Variants in ZNF608 observed in about 807,000 individuals in gnomAD.
The protein encoded by ZNF608 is renal carcinoma antigen NY-REN-36.
A neutral mutation model predicts 109.0 loss-of-function variants in ZNF608; 12 were observed. That is an observed-to-expected ratio of 0.11 (90% CI 0.07 to 0.18). The LOEUF is 0.18. Ranked by LOEUF, ZNF608 falls within the 10% of genes least tolerant of loss-of-function variation. ZNF608 has a pLI of 1.00. For synonymous variants in ZNF608, 732 were observed against 717.4 expected (o/e 1.02, Z -0.33); for missense variants, 1,707 against 1,879.3 (o/e 0.91, Z 1.70).
chr5:124,701,006 G>A lies in ZNF608; in HGVS notation c.1162+8C>T. On this transcript the variant is annotated splice_region_variant and intron_variant, in intron 3 of 9. Transcript: ENST00000513986. ...ATCGGGAAATATATAAAAATAAATTGTATTTACCTTCTTCTGTTTCATGCC... is the reference window on the plus strand; with the variant it reads ...ATCGGGAAATATATAAAAATAAATTATATTTACCTTCTTCTGTTTCATGCC... 1 of 1,613,612 alleles carries A rather than the reference G, an allele frequency of 6.2e-7. No homozygotes were observed. Among genetic ancestry groups the A allele is most frequent in the South Asian group, 1.1e-5 (1 of 91,066 alleles).
At chr5:124,733,128 T>C (rs79655987) in intron 2 of ZNF608, among the ~76,000 whole-genome samples, 2,678 of 151,472 alleles carry the variant, frequency 0.018, 86 homozygotes, top group African/African-American at 0.061. Flanking sequence ...TTTCACCTCA[T>C]CCATAGGATT....
At chr5:124,702,432 T>TCATAGATTCCCAGTTACC (rs11274163) in intron 2 of ZNF608, among the ~76,000 whole-genome samples, 1 of 151,844 alleles carries the variant, frequency 6.6e-6, no homozygotes, top group Non-Finnish European at 1.5e-5. Flanking sequence ...ATTCTGCTGT[T>TCATAGATTCCCAGTTACC]CACTGTAAGT....
At chr5:124,662,217 C>T (rs950767318) in intron 3 of ZNF608, among the ~76,000 whole-genome samples, 5 of 152,174 alleles carry the variant, frequency 3.3e-5, no homozygotes, top group African/African-American at 7.2e-5. Context: ...TACACAGCAG[C>T]GATGTTAGCA....
chr5:124,680,060 G>A (rs930923037), intron 3 of ZNF608, among the ~76,000 whole-genome samples: 1 of 152,076 alleles, frequency 6.6e-6, no homozygotes, highest in Non-Finnish European at 1.5e-5. Context: ...GGGTTAGGGG[G>A]ACTCTGGCCA....
At chr5:124,718,751 A>G (rs970298781) in intron 2 of ZNF608, among the ~76,000 whole-genome samples, 3 of 152,190 alleles carry the variant, frequency 2.0e-5, no homozygotes, top group African/African-American at 4.8e-5. Context: ...AATGCTGCCA[A>G]TTTCTTGGAA....
chr5:124,735,543 G>T (rs1370047155), intron 2 of ZNF608, among the ~76,000 whole-genome samples: 4 of 152,226 alleles, frequency 2.6e-5, no homozygotes, highest in African/African-American at 9.6e-5. Context: ...CTGATAAACT[G>T]GAGGATGCAA....
intron 2 of ZNF608, among the ~76,000 whole-genome samples, chr5:124,730,287 CAG>C (rs1257068730): frequency 1.3e-5 from 2 of 152,178 alleles, no homozygotes; most frequent in African/African-American, 4.8e-5. Flanking sequence ...CCACCCTCTT[CAG>C]AGTTTACTTT....
chr5:124,723,665 G>A (rs1034272326), intron 2 of ZNF608, among the ~76,000 whole-genome samples: 1 of 152,166 alleles, frequency 6.6e-6, no homozygotes, highest in African/African-American at 2.4e-5. Flanking sequence ...TCCAGCCTGG[G>A]TGATGGAGTG....
chr5:124,651,950 C>T (rs1308501565), intron 3 of ZNF608, among the ~76,000 whole-genome samples: 2 of 152,254 alleles, frequency 1.3e-5, no homozygotes, highest in African/African-American at 4.8e-5. Context: ...ACGAGTCCGG[C>T]CGTGCAGTGA....
intron 2 of ZNF608, among the ~76,000 whole-genome samples, chr5:124,703,499 C>T (rs1580660032): frequency 6.6e-6 from 1 of 152,124 alleles, no homozygotes; most frequent in Non-Finnish European, 1.5e-5. Context: ...GGTGTAGTGG[C>T]TCACACTTGT....
chr5:124,715,430 T>C (rs2149872174), intron 2 of ZNF608, among the ~76,000 whole-genome samples: 1 of 152,342 alleles, frequency 6.6e-6, no homozygotes, highest in East Asian at 1.9e-4. Flanking sequence ...TTGCCATATC[T>C]GCAGCAAAAT....
At chr5:124,687,311 C>T (rs1457845576) in intron 3 of ZNF608, among the ~76,000 whole-genome samples, 2 of 152,114 alleles carry the variant, frequency 1.3e-5, no homozygotes, top group Non-Finnish European at 2.9e-5. Flanking sequence ...ATGGTGTTGA[C>T]AGAGCAACAG....
intron 3 of ZNF608, among the ~76,000 whole-genome samples, chr5:124,665,797 C>T (rs1401674029): frequency 1.3e-5 from 2 of 152,224 alleles, no homozygotes; most frequent in South Asian, 2.1e-4. Context: ...CAGATCCAGA[C>T]TGTTGGCCTC....
intron 5 of ZNF608, among the ~76,000 whole-genome samples, chr5:124,645,726 A>C: frequency 6.6e-6 from 1 of 152,118 alleles, no homozygotes; most frequent in East Asian, 1.9e-4. Context: ...TGACTGACCC[A>C]TGGGGCTCTG....
rs1158474590 is a variant in ZNF608, at chr5:124,646,986, A to G, written c.3398T>C (p.Leu1133Pro). ...GRGDCERKSE[L>P]PLKELGKEET... is the part of the protein sequence containing the mutation. ...CTCCTTGCCCAGCTCTTTCAAGGGG[A>G]GCTCACTTTTCCTTTCACAGTCTCC... Residue 1133 changes from leucine (L) to proline (P), a missense_variant, in exon 5 of 10, where the codon CTC becomes CCC. Around this residue, in one of 7 missense-constraint regions of ZNF608, gnomAD observed 1,073 missense variants for 1,133.5 expected, o/e 0.95. Coordinates refer to ENST00000513986, the MANE Select transcript of ZNF608 (RefSeq NM_020747.3). 1 of 1,613,834 alleles carries G rather than the reference A, an allele frequency of 6.2e-7. No homozygotes were observed. The highest frequency in any genetic ancestry group is 8.5e-7 in the Non-Finnish European group (1 of 1,179,974).
chr5:124,637,961 G>A (rs1750051016), intron 9 of ZNF608, 55 bp from the exon 10 acceptor site: 4 of 1,604,396 alleles, frequency 2.5e-6, no homozygotes, highest in East Asian at 4.5e-5. Context: ...TTGTTTGTTT[G>A]TTTTTTGAGT....
chr5:124,702,855 A>T (rs989913673), intron 2 of ZNF608, among the ~76,000 whole-genome samples: 1 of 152,206 alleles, frequency 6.6e-6, no homozygotes, highest in Non-Finnish European at 1.5e-5. Flanking sequence ...AACCCCAGAT[A>T]CTGTGATTTA....
rs374367946 is a variant in ZNF608, at chr5:124,648,199, G to C, written c.2185C>G (p.Leu729Val). ...GGCCGGGCACTTTTCAGTTTAGAGA[G>C]GTTTTTGTCCGTTTTGCAGTTGGTA... is the stretch of plus-strand genomic sequence containing the variant. ...KATNCKTDKN[L>V]SKLKSARPIA... Residue 729 changes from leucine (L) to valine (V), a missense_variant, in exon 5 of 10, where the codon CTC becomes GTC. By Grantham distance (32) the Leu-to-Val change is conservative. This residue lies in a region of ZNF608 where 1,073 missense variants were observed against 1,133.5 expected (regional missense o/e 0.95). Transcript: ENST00000513986. 2 of 1,613,902 alleles carry C rather than the reference G, an allele frequency of 1.2e-6. No homozygotes were observed. Among genetic ancestry groups the C allele is most frequent in the Admixed American group, 1.7e-5 (1 of 59,994 alleles).
intron 3 of ZNF608, among the ~76,000 whole-genome samples, chr5:124,679,482 C>T (rs1487498120): frequency 1.4e-5 from 2 of 147,832 alleles, no homozygotes; most frequent in East Asian, 4.5e-4. Flanking sequence ...CTTCAGACAA[C>T]ACATATTTAT....
Sources: gnomAD v4.1 joint callset for allele counts (sites outside exome capture counted in the v4.1 genomes callset) on GRCh38, gnomAD v4.1.1 for gene constraint, gnomAD v4.1.1 regional missense constraint, MANE v1.5 for transcripts, NCBI Gene and HGNC (gene_info 2026-07-23, HGNC 2026-07-21) for gene names.